The following ZDHHC15 variants were observed in gnomAD, a reference collection of about 807,000 sequenced individuals.
ZDHHC15 encodes the protein palmitoyltransferase ZDHHC15.
In ZDHHC15, 19 loss-of-function variants were observed where a neutral mutation model predicts 31.7. That is an observed-to-expected ratio of 0.60 (90% CI 0.42 to 0.88). ZDHHC15 has a LOEUF of 0.88. ZDHHC15 is among the 40% of genes least tolerant of loss of function. The pLI is 0.00. For synonymous variants in ZDHHC15, 103 were observed against 90.0 expected (o/e 1.14, Z -0.82); for missense variants, 209 against 251.2 (o/e 0.83, Z 1.14).
intron 10 of ZDHHC15, among the ~76,000 whole-genome samples, chrX:75,396,994 T>C (rs2083305336): frequency 9.0e-6 from 1 of 110,774 alleles, no homozygotes; most frequent in Non-Finnish European, 1.9e-5. Flanking sequence ...AGGCTGGGAA[T>C]GGTGTTTGGG....
chrX:75,501,066 G>T (rs757423373), intron 2 of ZDHHC15, among the ~76,000 whole-genome samples: 1 of 110,483 alleles, frequency 9.1e-6, no homozygotes, highest in South Asian at 3.9e-4. Flanking sequence ...CGTCACCTAG[G>T]TATTATTAAT....
intron 4 of ZDHHC15, among the ~76,000 whole-genome samples, chrX:75,438,871 AT>A (rs1299991099): frequency 8.9e-6 from 1 of 112,103 alleles, no homozygotes. Flanking sequence ...TTATCTCAGC[AT>A]TTTTTTGTCT....
chrX:75,375,828 A>T (rs757176684), intron 11 of ZDHHC15, among the ~76,000 whole-genome samples: 3 of 111,730 alleles, frequency 2.7e-5, no homozygotes, highest in Non-Finnish European at 5.6e-5. Flanking sequence ...ACCTAGGTTG[A>T]TTGCATGTCT....
intron 8 of ZDHHC15, among the ~76,000 whole-genome samples, chrX:75,423,273 G>A (rs935262477): frequency 9.3e-6 from 1 of 107,676 alleles, no homozygotes. Flanking sequence ...TGACTTGAGG[G>A]TATGGTGTTT....
intron 3 of ZDHHC15, among the ~76,000 whole-genome samples, chrX:75,458,032 A>T (rs1936917): frequency 0.59 from 65,404 of 110,228 alleles, 17,062 homozygotes; most frequent in Middle Eastern, 0.82. Context: ...ATGTACAAGA[A>T]TGTTCATTGG....
chrX:75,393,741 G>A (rs186139020), intron 10 of ZDHHC15, among the ~76,000 whole-genome samples: 5 of 111,470 alleles, frequency 4.5e-5, no homozygotes, highest in South Asian at 3.8e-4. Flanking sequence ...ATTAGTCAGC[G>A]TTCTCTAGAG....
chrX:75,494,094 A>G (rs1410299368), intron 2 of ZDHHC15, among the ~76,000 whole-genome samples: 3 of 111,945 alleles, frequency 2.7e-5, no homozygotes, highest in Non-Finnish European at 5.6e-5. Flanking sequence ...GTCTCAGGAT[A>G]CAAAATCAAT....
chrX:75,395,784 G>T (rs953712082), intron 10 of ZDHHC15, among the ~76,000 whole-genome samples: 2 of 111,412 alleles, frequency 1.8e-5, no homozygotes, highest in African/African-American at 6.5e-5. Flanking sequence ...TTACCTGACT[G>T]CAAAGCAGAA....
chrX:75,380,407 G>T (rs1279922710), intron 10 of ZDHHC15, among the ~76,000 whole-genome samples: 4 of 111,810 alleles, frequency 3.6e-5, no homozygotes, highest in African/African-American at 1.3e-4. Context: ...GTTTGGTGAT[G>T]AACCTTTCCA....
intron 3 of ZDHHC15, among the ~76,000 whole-genome samples, chrX:75,460,075 A>C (rs1052788140): frequency 1.8e-5 from 2 of 111,992 alleles, no homozygotes; most frequent in Non-Finnish European, 3.8e-5. Context: ...GGGTTTCTCC[A>C]TGTTGGTCAG....
At chrX:75,496,245 A>T (rs760249897) in intron 2 of ZDHHC15, among the ~76,000 whole-genome samples, 13 of 111,894 alleles carry the variant, frequency 1.2e-4, no homozygotes, top group African/African-American at 3.9e-4. Context: ...GAACAAATTT[A>T]AAAAAGACAA....
At chrX:75,449,943 A>T (rs978819772) in intron 4 of ZDHHC15, among the ~76,000 whole-genome samples, 1 of 111,976 alleles carries the variant, frequency 8.9e-6, no homozygotes, top group African/African-American at 3.2e-5. Context: ...TCTGTATTGG[A>T]TATTTACTCA....
chrX:75,442,943 G>A (rs1460066026), intron 4 of ZDHHC15, among the ~76,000 whole-genome samples: 3 of 94,340 alleles, frequency 3.2e-5, no homozygotes, highest in African/African-American at 8.2e-5. Context: ...CCGAGAGCCC[G>A]CCACTGCACT....
At chrX:75,430,020 T>C (rs2147861636) in intron 5 of ZDHHC15, 40 bp from the exon 6 acceptor site, 1 of 1,182,779 alleles carries the variant, frequency 8.5e-7, no homozygotes, top group Non-Finnish European at 1.1e-6. Context: ...AGTGAGGCTA[T>C]GGAAATGAAG....
intron 8 of ZDHHC15, 68 bp downstream of exon 8, chrX:75,424,584 G>T: frequency 9.5e-7 from 1 of 1,057,019 alleles, no homozygotes; most frequent in Non-Finnish European, 1.2e-6. Flanking sequence ...GTTTTAATTG[G>T]GAACAATTCA....
intron 2 of ZDHHC15, among the ~76,000 whole-genome samples, chrX:75,505,521 G>T (rs2085144934): frequency 9.0e-6 from 1 of 110,623 alleles, no homozygotes; most frequent in Admixed American, 9.7e-5. Context: ...AACATACCTA[G>T]GACAACAGTG....
At chrX:75,421,084 C>T (rs1443524372) in intron 9 of ZDHHC15, among the ~76,000 whole-genome samples, 1 of 107,174 alleles carries the variant, frequency 9.3e-6, no homozygotes, top group African/African-American at 3.4e-5. Flanking sequence ...AAGACTATTG[C>T]CCTTACCATT....
intron 4 of ZDHHC15, among the ~76,000 whole-genome samples, chrX:75,433,889 T>A (rs1230032054): frequency 9.0e-6 from 1 of 110,993 alleles, no homozygotes; most frequent in African/African-American, 3.3e-5. Context: ...AAATGACAGA[T>A]CTACGTTAGT....
intron 2 of ZDHHC15, among the ~76,000 whole-genome samples, chrX:75,489,089 C>T (rs2084827094): frequency 8.9e-6 from 1 of 111,902 alleles, no homozygotes; most frequent in South Asian, 3.7e-4. Context: ...AACAAAGCTG[C>T]CTGGAAGATT....
Sources: allele counts gnomAD v4.1 joint callset (sites outside exome capture counted in the v4.1 genomes callset), GRCh38; gene constraint gnomAD v4.1.1; transcripts MANE v1.5; gene names NCBI Gene and HGNC (gene_info 2026-07-23, HGNC 2026-07-21).